The following BBS9 variants were observed in gnomAD, a reference collection of about 807,000 sequenced individuals.
BBS9 encodes the protein protein PTHB1.
Under a neutral mutation model 117.7 loss-of-function variants are expected in BBS9, and 89 were observed. The observed-to-expected ratio is 0.76, with a 90% CI of 0.64 to 0.90. The LOEUF is 0.90. BBS9 is among the 40% of genes least tolerant of loss of function. BBS9 has a pLI of 0.00. For synonymous variants in BBS9, 379 were observed against 370.9 expected, an observed-to-expected ratio of 1.02 and a Z score of -0.25; for missense variants, 982 against 1,042.2, an observed-to-expected ratio of 0.94 and a Z score of 0.80.
At chr7:33,338,917 G>T (rs1815943775) in intron 10 of BBS9, among the ~76,000 whole-genome samples, 1 of 152,182 alleles carries the variant, frequency 6.6e-6, no homozygotes, top group Non-Finnish European at 1.5e-5. Flanking sequence ...TGTGTCTTCA[G>T]AAAGGGACAG....
At chr7:33,169,757 A>G (rs1796250390) in intron 4 of BBS9, among the ~76,000 whole-genome samples, 2 of 151,708 alleles carry the variant, frequency 1.3e-5, no homozygotes, top group East Asian at 1.9e-4. Flanking sequence ...CCCATTTTGT[A>G]GGTTGCCTGT....
chr7:33,602,530 A>G (rs1268355551), intron 21 of BBS9, among the ~76,000 whole-genome samples: 6 of 152,146 alleles, frequency 3.9e-5, no homozygotes, highest in African/African-American at 1.2e-4. Flanking sequence ...GAAGTTCGAG[A>G]CCAGCCTGAC....
intron 21 of BBS9, among the ~76,000 whole-genome samples, chr7:33,575,888 T>C (rs2129147535): frequency 6.6e-6 from 1 of 152,250 alleles, no homozygotes; most frequent in Non-Finnish European, 1.5e-5. Context: ...ATAAACTAGG[T>C]ATTGATGGAA....
intron 5 of BBS9, among the ~76,000 whole-genome samples, chr7:33,247,518 A>G (rs1286110444): frequency 2.0e-5 from 3 of 152,246 alleles, no homozygotes; most frequent in Non-Finnish European, 4.4e-5. Flanking sequence ...ATGGTGTTCC[A>G]TCTGCTTTTG....
intron 1 of BBS9, among the ~76,000 whole-genome samples, chr7:33,134,770 C>A (rs7776834): frequency 0.54 from 81,389 of 151,888 alleles, 22,066 homozygotes; most frequent in East Asian, 0.67. Flanking sequence ...CTTATTTTTT[C>A]TTTTTTGTAT....
At chr7:33,415,305 A>G (rs1313023530) in intron 19 of BBS9, among the ~76,000 whole-genome samples, 1 of 152,226 alleles carries the variant, frequency 6.6e-6, no homozygotes, top group Non-Finnish European at 1.5e-5. Flanking sequence ...TGAGAACTAT[A>G]GTTTTCCCCA....
intron 9 of BBS9, among the ~76,000 whole-genome samples, chr7:33,322,826 G>A (rs1812022527): frequency 6.6e-6 from 1 of 151,920 alleles, no homozygotes; most frequent in Non-Finnish European, 1.5e-5. Flanking sequence ...TGCATCATTA[G>A]GTTGTTTATT....
intron 20 of BBS9, among the ~76,000 whole-genome samples, chr7:33,524,730 T>G (rs2129047189): frequency 6.6e-6 from 1 of 152,308 alleles, no homozygotes; most frequent in African/African-American, 2.4e-5. Context: ...TTTGAAGGGT[T>G]TTTGTGTCTC....
intron 9 of BBS9, among the ~76,000 whole-genome samples, chr7:33,307,803 G>A (rs1275857201): frequency 1.3e-5 from 2 of 149,544 alleles, no homozygotes; most frequent in East Asian, 3.9e-4. Flanking sequence ...TTTGATCCAT[G>A]GTTGGTTGAA....
chr7:33,404,453 G>A (rs1318033048), intron 19 of BBS9, among the ~76,000 whole-genome samples: 7 of 151,474 alleles, frequency 4.6e-5, no homozygotes, highest in South Asian at 2.1e-4. Context: ...CATTTTCACG[G>A]TATTGATTCT....
At chr7:33,518,276 G>T (rs1384833735) in intron 20 of BBS9, among the ~76,000 whole-genome samples, 2 of 128,156 alleles carry the variant, frequency 1.6e-5, no homozygotes, top group East Asian at 2.3e-4. Context: ...TTTTGAGATG[G>T]AGTCCCACCC....
intron 21 of BBS9, among the ~76,000 whole-genome samples, chr7:33,628,530 ACTCC>A (rs1865747274): frequency 6.6e-6 from 1 of 152,156 alleles, no homozygotes; most frequent in African/African-American, 2.4e-5. Context: ...ATAGAAGAGA[ACTCC>A]CTCAAGGTGA....
At chr7:33,288,897 G>A (rs984970148) in intron 9 of BBS9, among the ~76,000 whole-genome samples, 5 of 152,126 alleles carry the variant, frequency 3.3e-5, no homozygotes, top group African/African-American at 1.2e-4. Flanking sequence ...TGATGTAACT[G>A]AGGCATAGAG....
chr7:33,537,073 C>T lies in BBS9; in HGVS notation c.2521+2897C>T, dbSNP rs185243749. Among the ~76,000 whole-genome samples, 10 of 152,062 alleles carry T rather than the reference C, an allele frequency of 6.6e-5. No homozygotes were observed. In the East Asian group the frequency reaches 1.7e-3, roughly 27 times the overall value. On this transcript the variant is annotated intron_variant, in intron 21 of 22. Coordinates refer to ENST00000242067, the MANE Select transcript of BBS9 (RefSeq NM_198428.3). ...AAGATTTAGTTGGGACCTTCAAAAT[C>T]GTCTGGTTCACCTCCCTCACTTAAC...
At chr7:33,373,426 A>C (rs1008580293) in intron 17 of BBS9, among the ~76,000 whole-genome samples, 1 of 152,202 alleles carries the variant, frequency 6.6e-6, no homozygotes, top group African/African-American at 2.4e-5. Context: ...ACAAAGTGAC[A>C]CTGACAAATT....
At chr7:33,565,565 A>G (rs956060377) in intron 21 of BBS9, among the ~76,000 whole-genome samples, 1 of 151,642 alleles carries the variant, frequency 6.6e-6, no homozygotes, top group Non-Finnish European at 1.5e-5. Flanking sequence ...TCCAGGGTGC[A>G]TGATGATAGC....
chr7:33,228,370 A>G (rs1488813473), intron 5 of BBS9, among the ~76,000 whole-genome samples: 1 of 152,194 alleles, frequency 6.6e-6, no homozygotes, highest in Non-Finnish European at 1.5e-5. Context: ...TTAATTTGAA[A>G]TAAAAATCCT....
rs900305632 is a variant in BBS9, at chr7:33,273,335, T to C, written c.886+140T>C. ...GAATATGTAATGGAAATTTTAACTT[T>C]CAAAGTTTGAATGGAAGTTTGATAT... On this transcript the variant is annotated intron_variant, in intron 8 of 22. Transcript: ENST00000242067. 1.3e-5 allele frequency: 12 copies of C among 935,748 alleles called. No homozygotes were observed. In the African/African-American group the frequency reaches 1.7e-4, roughly 13 times the overall value. The allele number at this position is 935,748 out of a possible 1,614,324, so 58.0% of individuals were successfully genotyped here.
intron 9 of BBS9, among the ~76,000 whole-genome samples, chr7:33,297,538 A>G (rs1805519623): frequency 6.6e-6 from 1 of 152,134 alleles, no homozygotes; most frequent in Admixed American, 6.6e-5. Context: ...CATATACCTT[A>G]ATCTGGAAAC....
Sources: allele counts gnomAD v4.1 joint callset (sites outside exome capture counted in the v4.1 genomes callset), GRCh38; gene constraint gnomAD v4.1.1; transcripts MANE v1.5; gene names NCBI Gene and HGNC (gene_info 2026-07-23, HGNC 2026-07-21).